BABAM2: variants seen among roughly 807,000 people sequenced by gnomAD.
BABAM2 encodes BRISC and BRCA1 A complex member 2, also known as BRISC and BRCA1-A complex member 2.
Under a neutral mutation model 54.7 loss-of-function variants are expected in BABAM2, and 31 were observed. The ratio of observed to expected loss-of-function variants is 0.57; its 90% CI spans 0.43 to 0.77. The LOEUF is 0.77. Among genes scored for constraint, BABAM2 ranks in the 30% least tolerant of loss-of-function variants. BABAM2 has a pLI of 0.00. For missense variants in BABAM2, 364 were observed against 455.8 expected (o/e 0.80, Z 1.83); for synonymous variants, 167 against 162.9 (o/e 1.03, Z -0.19).
chr2:28,071,232 A>G (rs72814425), intron 6 of BABAM2, among the ~76,000 whole-genome samples: 10,273 of 152,002 alleles, frequency 0.068, 520 homozygotes, highest in African/African-American at 0.14. Context: ...TTTAAATTCG[A>G]TGTCTTTTAA....
intron 10 of BABAM2, among the ~76,000 whole-genome samples, chr2:28,272,871 G>C (rs1457981995): frequency 6.6e-6 from 1 of 152,110 alleles, no homozygotes; most frequent in East Asian, 1.9e-4. Context: ...ATTGAACTGG[G>C]GACTGACGTG....
intron 2 of BABAM2, among the ~76,000 whole-genome samples, chr2:27,901,895 G>A (rs938527105): frequency 6.6e-5 from 10 of 151,734 alleles, no homozygotes; most frequent in East Asian, 1.9e-4. Flanking sequence ...ATTATTTTGC[G>A]TGTTTAAAAA....
intron 3 of BABAM2, among the ~76,000 whole-genome samples, chr2:27,939,075 C>T (rs1011367469): frequency 3.9e-5 from 6 of 152,106 alleles, no homozygotes; most frequent in African/African-American, 1.2e-4. Flanking sequence ...GTCTCAGCCT[C>T]CTGAGTAGCT....
At chr2:28,067,928 C>CT in intron 6 of BABAM2, among the ~76,000 whole-genome samples, 2 of 152,088 alleles carry the variant, frequency 1.3e-5, no homozygotes, top group African/African-American at 4.8e-5. Flanking sequence ...TTCTTTTTTC[C>CT]TTTTTTAAAA....
chr2:28,198,956 C>A (rs544386453), intron 7 of BABAM2, among the ~76,000 whole-genome samples: 50 of 152,304 alleles, frequency 3.3e-4, no homozygotes, highest in Admixed American at 2.0e-3. Flanking sequence ...CCACTCTGAA[C>A]TTTAGGGAGG....
intron 6 of BABAM2, among the ~76,000 whole-genome samples, chr2:28,073,509 T>C (rs1488974765): frequency 6.6e-6 from 1 of 152,142 alleles, no homozygotes; most frequent in Non-Finnish European, 1.5e-5. Flanking sequence ...AAATAATCAA[T>C]AAGAAATCTG....
chr2:28,116,815 C>A (rs894336904), intron 6 of BABAM2, among the ~76,000 whole-genome samples: 1 of 152,170 alleles, frequency 6.6e-6, no homozygotes, highest in African/African-American at 2.4e-5. Flanking sequence ...CTGTGTAAAC[C>A]TTTTTGCTTC....
intron 5 of BABAM2, among the ~76,000 whole-genome samples, chr2:28,043,704 T>C (rs1164386760): frequency 6.6e-6 from 1 of 152,194 alleles, no homozygotes; most frequent in Non-Finnish European, 1.5e-5. Flanking sequence ...TTTAGAGTCA[T>C]CTAGGAGCTC....
chr2:28,279,311 G>A (rs1686145959), intron 10 of BABAM2, among the ~76,000 whole-genome samples: 1 of 152,154 alleles, frequency 6.6e-6, no homozygotes, highest in African/African-American at 2.4e-5. Flanking sequence ...AAACCTCCAG[G>A]CAGTTCAGCA....
At chr2:27,969,612 C>T (rs13407482) in intron 3 of BABAM2, among the ~76,000 whole-genome samples, 1,700 of 152,250 alleles carry the variant, frequency 0.011, 36 homozygotes, top group African/African-American at 0.038. Context: ...CTTATGCAGA[C>T]AGATGCAGTT....
intron 4 of BABAM2, among the ~76,000 whole-genome samples, chr2:28,005,329 G>A (rs1164324645): frequency 1.3e-5 from 2 of 152,074 alleles, no homozygotes; most frequent in African/African-American, 4.8e-5. Context: ...TTGAAATACT[G>A]TCTGTTAATC....
chr2:28,235,696 G>A (rs757158839), intron 7 of BABAM2, among the ~76,000 whole-genome samples: 20 of 151,848 alleles, frequency 1.3e-4, no homozygotes, highest in East Asian at 9.7e-4. Context: ...TCACTCTGTC[G>A]CCCAGGCTAG....
intron 6 of BABAM2, among the ~76,000 whole-genome samples, chr2:28,049,527 A>G (rs1485453895): frequency 2.0e-5 from 3 of 152,208 alleles, no homozygotes; most frequent in Non-Finnish European, 4.4e-5. Flanking sequence ...CACTGAGCCC[A>G]TTCATCCTGA....
intron 3 of BABAM2, among the ~76,000 whole-genome samples, chr2:27,940,389 C>T (rs889818108): frequency 5.9e-5 from 9 of 152,132 alleles, no homozygotes; most frequent in East Asian, 3.8e-4. Flanking sequence ...CCTGTTTGCT[C>T]ATACTTTATT....
At chr2:27,930,178 C>T (rs1197772316) in intron 3 of BABAM2, 11 of 333,750 alleles carry the variant, frequency 3.3e-5, no homozygotes, top group East Asian at 6.4e-5. Context: ...TCTCTATAGG[C>T]GGCTTTTACG....
At chr2:28,211,384 A>ATTTTTT (rs1679434145) in intron 7 of BABAM2, among the ~76,000 whole-genome samples, 1 of 25,332 alleles carries the variant, frequency 3.9e-5, no homozygotes. Context: ...CTTCCTTATT[A>ATTTTTT]TCTTTTTTTT....
intron 7 of BABAM2, among the ~76,000 whole-genome samples, chr2:28,168,261 C>G (rs961021943): frequency 6.6e-6 from 1 of 152,216 alleles, no homozygotes; most frequent in Non-Finnish European, 1.5e-5. Flanking sequence ...TATATTCTTT[C>G]TATTCTTTGG....
At chr2:28,045,596 C>T in intron 5 of BABAM2, 129 bp from the exon 6 acceptor site, 3 of 609,118 alleles carry the variant, frequency 4.9e-6, no homozygotes, top group Non-Finnish European at 8.1e-6. Context: ...CTTTTCTTGC[C>T]TAACGTTAGG....
intron 6 of BABAM2, among the ~76,000 whole-genome samples, chr2:28,091,301 A>G (rs929369272): frequency 6.6e-6 from 1 of 152,208 alleles, no homozygotes; most frequent in Non-Finnish European, 1.5e-5. Flanking sequence ...TAGGTGATAC[A>G]TAGGTATTAG....
Sources: gnomAD v4.1 joint callset for allele counts (sites outside exome capture counted in the v4.1 genomes callset) on GRCh38, gnomAD v4.1.1 for gene constraint, MANE v1.5 for transcripts, NCBI Gene and HGNC (gene_info 2026-07-23, HGNC 2026-07-21) for gene names.